MGLL: variants seen among roughly 807,000 people sequenced by gnomAD.
MGLL encodes the protein monoglyceride lipase.
In MGLL, 7 loss-of-function variants were observed where a neutral mutation model predicts 29.1. The observed-to-expected ratio is 0.24, with a 90% CI of 0.14 to 0.45. The LOEUF is 0.45. Ranked by LOEUF, MGLL falls within the 20% of genes least tolerant of loss-of-function variation. The pLI is 0.99. For missense variants in MGLL, 356 were observed against 413.6 expected, an observed-to-expected ratio of 0.86 and a Z score of 1.21; for synonymous variants, 148 against 168.3, an observed-to-expected ratio of 0.88 and a Z score of 0.93.
rs1241005629 is a variant in MGLL, at chr3:127,761,710, C to A, written c.262+20079G>T. Reference sequence around the variant, plus strand: ...GCCGGCCGTGGGCAGAGCTGGACTGCCACGCAGGCTGCCTCCCTCCTGGCA... The same window carrying A: ...GCCGGCCGTGGGCAGAGCTGGACTGACACGCAGGCTGCCTCCCTCCTGGCA... On this transcript the variant is annotated intron_variant, in intron 3 of 7. Transcript: ENST00000265052. This position sits in a 1 kb window ranked among gnomAD's most constrained non-coding sequence, Gnocchi z 4.6. Among the ~76,000 whole-genome samples, 2 of 152,228 alleles carry A rather than the reference C, an allele frequency of 1.3e-5. No homozygotes were observed. Among genetic ancestry groups the A allele is most frequent in the African/African-American group, 4.8e-5 (2 of 41,454 alleles).
At chr3:127,767,099 C>A (rs907985331) in intron 3 of MGLL, among the ~76,000 whole-genome samples, 2 of 151,794 alleles carry the variant, frequency 1.3e-5, no homozygotes, top group African/African-American at 4.8e-5. Flanking sequence ...ACAAAAAAAA[C>A]CCCAAAAAAC....
rs2075688201 is a variant in MGLL, at chr3:127,710,434, C to G, written c.600+142G>C. On this transcript the variant is annotated intron_variant, in intron 6 of 7. Transcript: ENST00000265052. ...CACCCAAACCTGAAGCCAACCATGT[C>G]TAATGCACCACTGTGTCCTTGTCAC... 2.7e-5 allele frequency: 22 copies of G among 801,396 alleles called. No individual in the cohort carries two copies. The South Asian group carries it at 3.2e-4, about 12-fold the overall frequency. 49.6% of individuals were successfully genotyped at this position (801,396 alleles called of 1,614,324 possible).
chr3:127,755,622 G>C (rs1489882583), intron 3 of MGLL, among the ~76,000 whole-genome samples: 3 of 152,164 alleles, frequency 2.0e-5, no homozygotes, highest in African/African-American at 4.8e-5. Context: ...AGGACAAGGG[G>C]CCCCACTGCG....
At chr3:127,816,187 G>A (rs2077752629) in intron 2 of MGLL, among the ~76,000 whole-genome samples, 1 of 152,196 alleles carries the variant, frequency 6.6e-6, no homozygotes, top group South Asian at 2.1e-4. Context: ...CAGGTGGCGT[G>A]AGTTCAGAAG....
Position 127,813,728 on chromosome 3 carries a change from T to C in MGLL, c.155+7966A>G, listed in dbSNP as rs371275077. 1.6e-4 allele frequency among the ~76,000 whole-genome samples: 24 copies of C among 152,260 alleles called. No individual in the cohort carries two copies. The East Asian group carries it at 2.9e-3, about 18-fold the overall frequency. ...AGGGTGACACAGGACTCCCGGGTCA[T>C]TGACCCCCATTTTGAGAGTCTGGTG... On this transcript the variant is annotated intron_variant, in intron 2 of 7. Transcript: ENST00000265052.
chr3:127,733,438 C>T (rs2076186519), intron 3 of MGLL, among the ~76,000 whole-genome samples: 2 of 152,192 alleles, frequency 1.3e-5, no homozygotes, highest in Non-Finnish European at 2.9e-5. Context: ...TATGGACTCC[C>T]TCTAAATTCC....
intron 2 of MGLL, among the ~76,000 whole-genome samples, chr3:127,814,811 T>G (rs1230420506): frequency 6.6e-6 from 1 of 152,250 alleles, no homozygotes; most frequent in African/African-American, 2.4e-5. Context: ...AGAAATGCCC[T>G]GTTTAAAAAT....
chr3:127,794,420 T>C (rs557668021), intron 2 of MGLL, among the ~76,000 whole-genome samples: 2 of 152,326 alleles, frequency 1.3e-5, no homozygotes, highest in African/African-American at 2.4e-5. Flanking sequence ...CTGTCTTCTA[T>C]GATGTGAAAC....
Position 127,724,568 on chromosome 3 carries a change from G to C in MGLL, c.263-2002C>G, listed in dbSNP as rs1441738285. 2.6e-5 allele frequency among the ~76,000 whole-genome samples: 4 copies of C among 152,234 alleles called. No homozygotes were observed. In the East Asian group the frequency reaches 7.7e-4, roughly 29 times the overall value. On this transcript the variant is annotated intron_variant, in intron 3 of 7. Transcript: ENST00000265052. ...CACATCCCAGCTTTCAATTCTTTGGGGTATATACCCAGAAGTGGGGTTGCT... is the reference window on the plus strand; with the variant it reads ...CACATCCCAGCTTTCAATTCTTTGGCGTATATACCCAGAAGTGGGGTTGCT...
chr3:127,800,667 T>A (rs1229796297), intron 2 of MGLL, among the ~76,000 whole-genome samples: 1 of 152,244 alleles, frequency 6.6e-6, no homozygotes, highest in African/African-American at 2.4e-5. Flanking sequence ...GTTGGTCCCC[T>A]GTGTGGTTAG....
At chr3:127,730,032 G>T (rs185500421) in intron 3 of MGLL, among the ~76,000 whole-genome samples, 1 of 152,332 alleles carries the variant, frequency 6.6e-6, no homozygotes, top group East Asian at 1.9e-4. Context: ...TCACATAGCG[G>T]TTAAAGGCCC....
Position 127,695,094 on chromosome 3 carries a change from C to T in MGLL, c.697G>A (p.Ala233Thr), listed in dbSNP as rs371817663. 2.0e-5 allele frequency: 33 copies of T among 1,614,014 alleles called. 3 individuals carry two copies. Among genetic ancestry groups the T allele is most frequent in the East Asian group, 8.9e-5 (4 of 44,890 alleles). ...LLNAVSRVERALPKLTVPFLL... is the reference protein window; with the variant it reads ...LLNAVSRVERTLPKLTVPFLL... ...AAGGGCACAGTCAGCTTGGGGAGGG[C>T]GCGCTCCACCCGTGAGACGGCATTC... The change falls in exon 7 of 8, where the codon GCC becomes ACC. Residue 233 changes from alanine (A) to threonine (T), a missense_variant. Physicochemically the swap from Ala to Thr is moderately conservative, Grantham distance 58 (BLOSUM62 0). Transcript: ENST00000265052.
intron 3 of MGLL, among the ~76,000 whole-genome samples, chr3:127,723,900 A>T (rs2075983724): frequency 6.6e-6 from 1 of 152,216 alleles, no homozygotes; most frequent in Non-Finnish European, 1.5e-5. Context: ...AGGGTCTTAA[A>T]AAACATGACT....
chr3:127,822,132 T>C, intron 1 of MGLL, 177 bp downstream of exon 1: 1 of 733,416 alleles, frequency 1.4e-6, no homozygotes, highest in Non-Finnish European at 2.2e-6. Context: ...TCTTAAAGAC[T>C]ATTTTAGCTG....
At chr3:127,706,505 C>T (rs536372974) in intron 6 of MGLL, among the ~76,000 whole-genome samples, 8 of 152,298 alleles carry the variant, frequency 5.3e-5, no homozygotes, top group South Asian at 2.1e-4. Flanking sequence ...GGACTGGGAG[C>T]GGGTCCAGAG....
chr3:127,822,455 G>T lies in MGLL; in HGVS notation c.-137C>A. 1.1e-6 allele frequency: 1 copy of T among 887,790 alleles called. No homozygotes were observed. The highest frequency in any genetic ancestry group is 1.4e-5 in the South Asian group (1 of 69,480). 55.0% of individuals were successfully genotyped at this position (887,790 alleles called of 1,614,324 possible). Reference sequence around the variant, plus strand: ...AGCCCTCTTCCCGCACCCAGACCCTGCCTTTCGGGCTGGGGCGCTCAGCCG... The same window carrying T: ...AGCCCTCTTCCCGCACCCAGACCCTTCCTTTCGGGCTGGGGCGCTCAGCCG... On this transcript the variant is annotated 5_prime_UTR_variant, in exon 1 of 8. Coordinates refer to ENST00000265052, the MANE Select transcript of MGLL (RefSeq NM_007283.7).
intron 3 of MGLL, among the ~76,000 whole-genome samples, chr3:127,773,940 G>A (rs552975978): frequency 9.2e-5 from 14 of 152,222 alleles, no homozygotes; most frequent in African/African-American, 3.4e-4. Flanking sequence ...CCAGCCTGGC[G>A]GCCCAAAGTC....
chr3:127,787,822 C>G (rs771903820), intron 2 of MGLL, among the ~76,000 whole-genome samples: 3 of 152,264 alleles, frequency 2.0e-5, no homozygotes, highest in Non-Finnish European at 4.4e-5. Flanking sequence ...AATTTTATGA[C>G]TTTAACAAAT....
intron 3 of MGLL, among the ~76,000 whole-genome samples, chr3:127,774,712 C>T (rs1267152236): frequency 6.6e-6 from 1 of 150,678 alleles, no homozygotes; most frequent in Non-Finnish European, 1.5e-5. Flanking sequence ...GGGTCCTCAG[C>T]AGCAGCAGCA....
Sources: gnomAD v4.1 joint callset for allele counts (sites outside exome capture counted in the v4.1 genomes callset) on GRCh38, gnomAD v4.1.1 for gene constraint, Gnocchi (gnomAD v3.1) non-coding constraint, MANE v1.5 for transcripts, NCBI Gene and HGNC (gene_info 2026-07-23, HGNC 2026-07-21) for gene names.